CDK5RAP2: variants seen among roughly 807,000 people sequenced by gnomAD.
CDK5RAP2 encodes the protein CDK5 regulatory subunit-associated protein 2.
In CDK5RAP2, 147 loss-of-function variants were observed where a neutral mutation model predicts 232.9. That is an observed-to-expected ratio of 0.63 (90% CI 0.55 to 0.72). The LOEUF (loss-of-function observed/expected upper bound fraction) is 0.72, where lower values mean the gene tolerates loss of function less well. Among genes scored for constraint, CDK5RAP2 ranks in the 30% least tolerant of loss-of-function variants. CDK5RAP2 has a pLI of 0.00. For synonymous variants in CDK5RAP2, 833 were observed against 833.7 expected, an observed-to-expected ratio of 1.00 and a Z score of 0.01; for missense variants, 2,195 against 2,231.5, an observed-to-expected ratio of 0.98 and a Z score of 0.33.
intron 11 of CDK5RAP2, among the ~76,000 whole-genome samples, chr9:120,520,735 TATC>T (rs2040586299): frequency 6.7e-6 from 1 of 150,352 alleles, no homozygotes; most frequent in African/African-American, 2.4e-5. Flanking sequence ...ATCATATATG[TATC>T]ATGTGATATC....
chr9:120,433,044 C>T (rs2035375411), intron 25 of CDK5RAP2, among the ~76,000 whole-genome samples: 1 of 152,164 alleles, frequency 6.6e-6, no homozygotes, highest in Admixed American at 6.5e-5. Flanking sequence ...TCCTGGGAAC[C>T]GGTATTAGCA....
intron 16 of CDK5RAP2, among the ~76,000 whole-genome samples, chr9:120,470,660 T>C (rs1391065238): frequency 2.0e-5 from 3 of 151,658 alleles, no homozygotes; most frequent in African/African-American, 7.3e-5. Flanking sequence ...TTTTTTTTTT[T>C]ACTGGCCCCA....
At chr9:120,390,935 T>G (rs2031899747) in intron 36 of CDK5RAP2, among the ~76,000 whole-genome samples, 2 of 152,288 alleles carry the variant, frequency 1.3e-5, no homozygotes, top group South Asian at 2.1e-4. Flanking sequence ...CGGTGTGGAC[T>G]TTGTTTTTAG....
intron 14 of CDK5RAP2, among the ~76,000 whole-genome samples, chr9:120,477,795 C>A (rs1038948515): frequency 5.3e-5 from 8 of 152,206 alleles, no homozygotes; most frequent in Non-Finnish European, 7.3e-5. Flanking sequence ...AAAAAAATAT[C>A]TTTCCATATT....
intron 22 of CDK5RAP2, 26 bp downstream of exon 22, chr9:120,447,869 G>C (rs1189761003): frequency 2.0e-6 from 3 of 1,524,040 alleles, no homozygotes; most frequent in Non-Finnish European, 2.7e-6. Flanking sequence ...CTAGCTCACA[G>C]GGAATACATT....
At chr9:120,574,747 G>C (rs1289329874) in intron 1 of CDK5RAP2, among the ~76,000 whole-genome samples, 8 of 151,544 alleles carry the variant, frequency 5.3e-5, no homozygotes, top group African/African-American at 1.9e-4. Flanking sequence ...TTTCTAAACT[G>C]AATGTTTGAA....
intron 5 of CDK5RAP2, among the ~76,000 whole-genome samples, chr9:120,542,525 C>G (rs568815439): frequency 3.8e-4 from 58 of 151,814 alleles, no homozygotes; most frequent in African/African-American, 1.2e-3. Flanking sequence ...ATGGGTACAC[C>G]TAGCAGTTCC....
rs375788422 is a variant in CDK5RAP2 at position 120,564,489 on chromosome 9, C to CAA, written c.195+3830_195+3831dup. On this transcript the variant is annotated intron_variant, in intron 3 of 37. Transcript: ENST00000349780. The stretch of plus-strand genomic sequence containing the variant: ...TGGGCAACAGAGTGAGACTCTGTCT[C>CAA]AAAAAAATAAAAAAATAAAAAATCA... 2.5e-3 allele frequency among the ~76,000 whole-genome samples: 94 copies of CAA among 37,592 alleles called. 4 individuals are homozygous for CAA. Among genetic ancestry groups the CAA allele is most frequent in the Middle Eastern group, 0.034 (2 of 58 alleles). The allele number at this position is 37,592 out of a possible 152,430, so 24.7% of individuals were successfully genotyped here.
intron 11 of CDK5RAP2, among the ~76,000 whole-genome samples, chr9:120,521,692 C>A (rs2040667903): frequency 6.9e-6 from 1 of 144,332 alleles, no homozygotes; most frequent in Admixed American, 7.1e-5. Flanking sequence ...GTTGCCCAGG[C>A]TGGAGTGCAG....
In CDK5RAP2 at chr9:120,430,236, G is replaced by T. The variant is rs940262680; in HGVS notation, c.3955+7059C>A. Among the ~76,000 whole-genome samples, 192 of 152,252 alleles carry T rather than the reference G, an allele frequency of 1.3e-3. 2 individuals carry two copies. The highest frequency in any genetic ancestry group is 3.9e-3 in the African/African-American group (164 of 41,544). The stretch of plus-strand genomic sequence containing the variant: ...CATGTCTAAAACACCAAAAGCAATG[G>T]CAACAAAAGCCAAAATTGACAAATG... On this transcript the variant is annotated intron_variant, in intron 25 of 37. Coordinates refer to ENST00000349780, the MANE Select transcript of CDK5RAP2 (RefSeq NM_018249.6).
chr9:120,392,516 C>T lies in CDK5RAP2; in HGVS notation c.5578+1996G>A, dbSNP rs187750256. On this transcript the variant is annotated intron_variant, in intron 36 of 37. Transcript: ENST00000349780. The stretch of plus-strand genomic sequence containing the variant: ...CTCACCTGTCAATAGGGTTAGCTAC[C>T]TGCCCTGTGACTGTTCAGGGCCAAA... Among the ~76,000 whole-genome samples the T allele has an allele frequency of 5.3e-5, 8 of 152,340 alleles. No individual in the cohort carries two copies. In the East Asian group the frequency reaches 1.5e-3, roughly 29 times the overall value.
chr9:120,542,116 A>G (rs1252111573), intron 5 of CDK5RAP2, among the ~76,000 whole-genome samples: 1 of 152,198 alleles, frequency 6.6e-6, no homozygotes, highest in Non-Finnish European at 1.5e-5. Flanking sequence ...TAAAACTGAA[A>G]AGGGGAGTTG....
At chr9:120,445,096 T>A (rs942806544) in intron 22 of CDK5RAP2, among the ~76,000 whole-genome samples, 1 of 152,288 alleles carries the variant, frequency 6.6e-6, no homozygotes, top group African/African-American at 2.4e-5. Context: ...AGCATCAATA[T>A]CCTCTCTGAA....
intron 25 of CDK5RAP2, among the ~76,000 whole-genome samples, chr9:120,434,525 G>A (rs192015246): frequency 6.6e-6 from 1 of 152,298 alleles, no homozygotes; most frequent in Admixed American, 6.5e-5. Context: ...GCACTACAGT[G>A]AGACAAGGAT....
At chr9:120,409,691 A>T (rs1423481873) in intron 29 of CDK5RAP2, among the ~76,000 whole-genome samples, 1 of 152,258 alleles carries the variant, frequency 6.6e-6, no homozygotes, top group Non-Finnish European at 1.5e-5. Flanking sequence ...GGAGGCCGGC[A>T]GGGCTGTGCA....
intron 12 of CDK5RAP2, among the ~76,000 whole-genome samples, chr9:120,492,566 CAAGCAAACAAATGAATCTAACTTTGT>C (rs1468406975): frequency 6.6e-6 from 1 of 152,058 alleles, no homozygotes; most frequent in African/African-American, 2.4e-5. Context: ...GAAAAAAGAG[CAAGCAAACAAATGAATCTAACTTTGT>C]AACCAGTTAA....
Position 120,402,967 on chromosome 9 carries a change from G to T in CDK5RAP2, c.5146C>A (p.His1716Asn), listed in dbSNP as rs2033158067. The T allele has an allele frequency of 1.2e-6, 2 of 1,614,054 alleles. No homozygotes were observed. The highest frequency in any genetic ancestry group is 3.3e-5 in the Admixed American group (2 of 60,002). The change falls in exon 34 of 38, where the codon CAC (histidine) becomes AAC (asparagine). Residue 1716 changes from histidine to asparagine, a missense_variant. Transcript: ENST00000349780. ...TPCVSRLVTGHHLWASKNGRH... is the reference protein window; with the variant it reads ...TPCVSRLVTGNHLWASKNGRH... ...CCATTCTTGCTGGCCCACAGGTGGTGGCCAGTGACCAGGCGGGACACACAC... is the reference window on the plus strand; with the variant it reads ...CCATTCTTGCTGGCCCACAGGTGGTTGCCAGTGACCAGGCGGGACACACAC...
At chr9:120,481,665 G>A (rs1429561594) in intron 14 of CDK5RAP2, among the ~76,000 whole-genome samples, 1 of 151,828 alleles carries the variant, frequency 6.6e-6, no homozygotes, top group African/African-American at 2.4e-5. Flanking sequence ...GGCGCACACC[G>A]CCACACTCGG....
chr9:120,431,408 G>C (rs868305490), intron 25 of CDK5RAP2, among the ~76,000 whole-genome samples: 85 of 152,304 alleles, frequency 5.6e-4, no homozygotes, highest in African/African-American at 1.8e-3. Context: ...GTCTGACTTA[G>C]ACCAAGTGAA....
Sources: allele counts gnomAD v4.1 joint callset (sites outside exome capture counted in the v4.1 genomes callset), GRCh38; gene constraint gnomAD v4.1.1; transcripts MANE v1.5; gene names NCBI Gene and HGNC (gene_info 2026-07-23, HGNC 2026-07-21).